NOSTRIN: variants seen among roughly 807,000 people sequenced by gnomAD.
NOSTRIN encodes the protein nitric oxide synthase trafficking, also known as BM247 homolog.
A neutral mutation model predicts 59.0 loss-of-function variants in NOSTRIN; 63 were observed. The ratio of observed to expected loss-of-function variants is 1.07; its 90% CI spans 0.87 to 1.32. NOSTRIN has a LOEUF of 1.32. NOSTRIN is among the 40% of genes most tolerant of loss of function. NOSTRIN has a pLI of 0.00. For missense variants in NOSTRIN, 512 were observed against 473.1 expected, an observed-to-expected ratio of 1.08 and a Z score of -0.76; for synonymous variants, 200 against 165.4, an observed-to-expected ratio of 1.21 and a Z score of -1.61.
intron 2 of NOSTRIN, among the ~76,000 whole-genome samples, chr2:168,819,825 C>T (rs906510869): frequency 6.6e-6 from 1 of 152,218 alleles, no homozygotes; most frequent in Non-Finnish European, 1.5e-5. Context: ...ATCCAACTCA[C>T]TCCAGCCCAG....
At chr2:168,829,879 A>G (rs1687272329) in intron 5 of NOSTRIN, among the ~76,000 whole-genome samples, 1 of 152,178 alleles carries the variant, frequency 6.6e-6, no homozygotes, top group Non-Finnish European at 1.5e-5. Context: ...CAGATAAAGC[A>G]CATCCTCAGT....
chr2:168,856,218 G>T, intron 11 of NOSTRIN: 1 of 217,998 alleles, frequency 4.6e-6, no homozygotes, highest in Non-Finnish European at 9.2e-6. Flanking sequence ...AAGGTAAACA[G>T]TTCATTTATC....
In NOSTRIN at chr2:168,851,099, G is replaced by C. The variant is rs745490998; in HGVS notation, c.646G>C (p.Glu216Gln). The C allele has an allele frequency of 1.3e-6, 2 of 1,530,136 alleles. No individual in the cohort carries two copies. Among genetic ancestry groups the C allele is most frequent in the Non-Finnish European group, 1.8e-6 (2 of 1,103,472 alleles). 94.8% of individuals were successfully genotyped at this position (1,530,136 alleles called of 1,614,324 possible). The change falls in exon 9 of 16, where the codon GAG (glutamate) becomes CAG (glutamine). Residue 216 changes from glutamate (E) to glutamine (Q), a missense_variant. Coordinates refer to ENST00000317647, the MANE Select transcript of NOSTRIN (RefSeq NM_001039724.4). ...ENCYQSILEL[E>Q]KERIQLLCNN... ...TTCTTTTCAGAGCATTCTGGAGCTGGAGAAGGAAAGAATTCAACTTTTATG... is the reference window on the plus strand; with the variant it reads ...TTCTTTTCAGAGCATTCTGGAGCTGCAGAAGGAAAGAATTCAACTTTTATG...
chr2:168,845,553 C>T lies in NOSTRIN; in HGVS notation c.630+2436C>T, dbSNP rs565195346. Among the ~76,000 whole-genome samples, 79 of 152,168 alleles carry T rather than the reference C, an allele frequency of 5.2e-4. 1 individual carries two copies. Among genetic ancestry groups the T allele is most frequent in the Admixed American group, 1.6e-3 (25 of 15,276 alleles). On this transcript the variant is annotated intron_variant, in intron 8 of 15. Transcript: ENST00000317647. ...TCTTCATTATCAGAAGCTCTTGCTA[C>T]GCCTCTCCTTCATCTCAGTTTCCTT... is the stretch of plus-strand genomic sequence containing the variant.
chr2:168,860,805 A>G lies in NOSTRIN; in HGVS notation c.1190A>G (p.His397Arg). ...ATGTCATTTGAACAGGAGCATACTCATAGCTATGTGAAAATATCTCGGCCT... is the reference window on the plus strand; with the variant it reads ...ATGTCATTTGAACAGGAGCATACTCGTAGCTATGTGAAAATATCTCGGCCT... ...IFRWREKEHTHSYVKISRPFL... is the reference protein window; with the variant it reads ...IFRWREKEHTRSYVKISRPFL... Residue 397 changes from histidine (H) to arginine (R), a missense_variant, in exon 14 of 16, where the codon CAT (histidine) becomes CGT (arginine). Coordinates refer to ENST00000317647, the MANE Select transcript of NOSTRIN (RefSeq NM_001039724.4). The G allele has an allele frequency of 6.2e-7, 1 of 1,604,860 alleles. No individual in the cohort carries two copies. The highest frequency in any genetic ancestry group is 8.5e-7 in the Non-Finnish European group (1 of 1,171,522).
Position 168,825,166 on chromosome 2 carries a change from C to T in NOSTRIN, c.197+449C>T, listed in dbSNP as rs76773141. On this transcript the variant is annotated intron_variant, in intron 3 of 15. Transcript: ENST00000317647. Reference sequence around the variant, plus strand: ...ATGGCTTCCAGTTCTTGGGCACTTACTGTGTGCATGCACTGTGTTAATGCT... The same window carrying T: ...ATGGCTTCCAGTTCTTGGGCACTTATTGTGTGCATGCACTGTGTTAATGCT... 5.4e-3 allele frequency among the ~76,000 whole-genome samples: 830 copies of T among 152,350 alleles called. 13 individuals are homozygous for T. The highest frequency in any genetic ancestry group is 0.019 in the African/African-American group (777 of 41,578).
chr2:168,796,919 T>C (rs1280034424), upstream of NOSTRIN, among the ~76,000 whole-genome samples: 1 of 152,186 alleles, frequency 6.6e-6, no homozygotes, highest in African/African-American at 2.4e-5. Flanking sequence ...AACTTGCGAA[T>C]GAAGTCACTC....
At chr2:168,810,998 AAC>A (rs1246025994) in intron 1 of NOSTRIN, among the ~76,000 whole-genome samples, 1 of 152,218 alleles carries the variant, frequency 6.6e-6, no homozygotes, top group East Asian at 1.9e-4. Context: ...ATAAATTTAT[AAC>A]AGTTTGGTTT....
Position 168,837,656 on chromosome 2 carries a change from C to T in NOSTRIN, c.504+3331C>T, listed in dbSNP as rs969164294. On this transcript the variant is annotated intron_variant, in intron 7 of 15. Transcript: ENST00000317647. ...GTATCTATCTGCTCTGTTTCCACTT[C>T]CTCATCTTCTGTTCACTCTTCAAAT... 2.0e-5 allele frequency among the ~76,000 whole-genome samples: 3 copies of T among 152,176 alleles called. No individual in the cohort carries two copies. The South Asian group carries it at 6.2e-4, about 32-fold the overall frequency.
intron 1 of NOSTRIN, among the ~76,000 whole-genome samples, chr2:168,808,958 A>G (rs1686003531): frequency 6.6e-6 from 1 of 152,216 alleles, no homozygotes; most frequent in African/African-American, 2.4e-5. Flanking sequence ...TAAAATCTCT[A>G]TAACTTAGGT....
intron 7 of NOSTRIN, among the ~76,000 whole-genome samples, 194 bp downstream of exon 7, chr2:168,834,519 A>G (rs12464371): frequency 4.4e-5 from 6 of 137,408 alleles, no homozygotes; most frequent in East Asian, 2.2e-4. Context: ...ACACACACAC[A>G]CACACACACA....
intron 7 of NOSTRIN, among the ~76,000 whole-genome samples, chr2:168,837,118 C>A (rs1051370438): frequency 1.3e-5 from 2 of 152,000 alleles, no homozygotes; most frequent in African/African-American, 4.8e-5. Flanking sequence ...CATGAGGGTT[C>A]CACCCTCATG....
At position 168,828,484 on chromosome 2, in the gene NOSTRIN, GAGA is replaced by G; in HGVS notation, c.332_334del (p.Lys111del). The stretch of plus-strand genomic sequence containing the variant: ...GACTTATCAAGTCCTAAATGTACAA[GAGA>G]AGAAGAGAAAATCAGTGAGTCCAAA... On this transcript the variant is annotated inframe_deletion, in exon 5 of 16. Coordinates refer to ENST00000317647, the MANE Select transcript of NOSTRIN (RefSeq NM_001039724.4). 1.1e-6 allele frequency: 1 copy of G among 870,640 alleles called. No homozygotes were observed. Among genetic ancestry groups the G allele is most frequent in the Non-Finnish European group, 2.0e-6 (1 of 501,176 alleles). The allele number at this position is 870,640 out of a possible 1,614,324, so 53.9% of individuals were successfully genotyped here.
At chr2:168,807,094 G>A (rs1412002235) in intron 1 of NOSTRIN, among the ~76,000 whole-genome samples, 1 of 152,088 alleles carries the variant, frequency 6.6e-6, no homozygotes, top group African/African-American at 2.4e-5. Context: ...TGTAAATAAG[G>A]GAATTAGACT....
chr2:168,834,025 C>T (rs773290300), intron 6 of NOSTRIN: 119 of 517,066 alleles, frequency 2.3e-4, no homozygotes, highest in Non-Finnish European at 3.6e-4. Context: ...GTGTTAGCTG[C>T]TCTGATGTTT....
chr2:168,789,253 A>C (rs1447491782), intron 2 of NOSTRIN, among the ~76,000 whole-genome samples: 1 of 152,238 alleles, frequency 6.6e-6, no homozygotes, highest in East Asian at 1.9e-4. Context: ...CTGGTGTATT[A>C]GTTTGTTCTC....
rs1442748525 is a variant in NOSTRIN at position 168,864,160 on chromosome 2, G to A, written c.1385-674G>A. ...TTTTTGTATTTTTAGTAGAGACGGG[G>A]TTTCACCATGTTGGCCAGGCTGGTC... On this transcript the variant is annotated intron_variant, in intron 15 of 15. Coordinates refer to ENST00000317647, the MANE Select transcript of NOSTRIN (RefSeq NM_001039724.4). Among the ~76,000 whole-genome samples the A allele has an allele frequency of 2.0e-5, 3 of 152,178 alleles. No individual in the cohort carries two copies. The South Asian group carries it at 6.2e-4, about 32-fold the overall frequency.
chr2:168,811,692 T>C, intron 2 of NOSTRIN, 40 bp downstream of exon 2: 2 of 782,924 alleles, frequency 2.6e-6, no homozygotes, highest in Non-Finnish European at 4.4e-6. Context: ...TCTTCCTCTT[T>C]AGTTGTAGCA....
chr2:168,812,746 C>G (rs889690557), intron 2 of NOSTRIN, among the ~76,000 whole-genome samples: 2 of 152,162 alleles, frequency 1.3e-5, no homozygotes, highest in Non-Finnish European at 2.9e-5. Flanking sequence ...ACCACCATCT[C>G]TGAGCAGATA....
Sources: allele counts gnomAD v4.1 joint callset (sites outside exome capture counted in the v4.1 genomes callset), GRCh38; gene constraint gnomAD v4.1.1; transcripts MANE v1.5; gene names NCBI Gene and HGNC (gene_info 2026-07-23, HGNC 2026-07-21).